Variants in STAG1 observed in about 807,000 individuals in gnomAD.
STAG1 encodes cohesin subunit SA-1.
Under a neutral mutation model 170.9 loss-of-function variants are expected in STAG1, and 26 were observed. The observed-to-expected ratio is 0.15, with a 90% CI of 0.11 to 0.21. STAG1 has a LOEUF of 0.21. Among genes scored for constraint, STAG1 ranks in the 10% least tolerant of loss-of-function variants. STAG1 has a pLI of 1.00. For synonymous variants in STAG1, 514 were observed against 497.7 expected (o/e 1.03, Z -0.44); for missense variants, 964 against 1,509.5 (o/e 0.64, Z 5.99).
At chr3:136,375,453 T>TA (rs1392410736) in intron 23 of STAG1, among the ~76,000 whole-genome samples, 6 of 152,174 alleles carry the variant, frequency 3.9e-5, no homozygotes, top group African/African-American at 1.4e-4. Context: ...ATTTTGGCAT[T>TA]TAGTTTGGGA....
At chr3:136,626,698 T>A (rs1203646290) in intron 2 of STAG1, among the ~76,000 whole-genome samples, 1 of 152,126 alleles carries the variant, frequency 6.6e-6, no homozygotes, top group Non-Finnish European at 1.5e-5. Context: ...CTCACTACAA[T>A]CCAAATAGGC....
intron 7 of STAG1, among the ~76,000 whole-genome samples, chr3:136,519,551 T>C (rs1267827813): frequency 1.3e-5 from 2 of 152,086 alleles, no homozygotes; most frequent in African/African-American, 4.8e-5. Flanking sequence ...TTTTCCAAAT[T>C]GCTGAATTTC....
At chr3:136,650,156 A>G (rs1355422342) in intron 1 of STAG1, among the ~76,000 whole-genome samples, 3 of 151,778 alleles carry the variant, frequency 2.0e-5, no homozygotes, top group African/African-American at 7.3e-5. Flanking sequence ...GGATGGCTGA[A>G]GCCCAGGCAG....
chr3:136,513,386 A>G (rs1934177832), intron 7 of STAG1, among the ~76,000 whole-genome samples: 2 of 152,106 alleles, frequency 1.3e-5, no homozygotes, highest in South Asian at 4.1e-4. Context: ...GGAAAATAAG[A>G]AAGAACTCTT....
At chr3:136,731,186 A>G (rs745888885) in intron 1 of STAG1, among the ~76,000 whole-genome samples, 9 of 152,096 alleles carry the variant, frequency 5.9e-5, no homozygotes, top group Non-Finnish European at 2.9e-5. Context: ...TTCAGGAAGC[A>G]TTTGCTCACT....
At chr3:136,497,625 G>A (rs932464567) in intron 9 of STAG1, among the ~76,000 whole-genome samples, 1 of 151,874 alleles carries the variant, frequency 6.6e-6, no homozygotes, top group Non-Finnish European at 1.5e-5. Context: ...CGGATCACCA[G>A]GTCAGGAGAT....
chr3:136,430,226 C>T (rs1208224252), intron 16 of STAG1: 2 of 152,170 alleles, frequency 1.3e-5, no homozygotes, highest in African/African-American at 4.8e-5. Flanking sequence ...CTAACCCCTG[C>T]ATTGTTCAAG....
At chr3:136,559,151 A>ATCTATCTATCTATCTG (rs1553745541) in intron 5 of STAG1, among the ~76,000 whole-genome samples, 41 of 152,012 alleles carry the variant, frequency 2.7e-4, no homozygotes, top group Middle Eastern at 6.8e-3. Flanking sequence ...CTATCTATCT[A>ATCTATCTATCTATCTG]TCTATCTATC....
chr3:136,459,647 T>C (rs949000613), intron 13 of STAG1, among the ~76,000 whole-genome samples: 15 of 152,198 alleles, frequency 9.9e-5, no homozygotes, highest in South Asian at 4.1e-4. Context: ...TTTTAAAATA[T>C]TGAATGCATA....
chr3:136,462,672 A>G (rs1245888054), intron 13 of STAG1, among the ~76,000 whole-genome samples: 1 of 152,194 alleles, frequency 6.6e-6, no homozygotes. Flanking sequence ...GAAGATTTGG[A>G]AAGTTCCCAA....
intron 16 of STAG1, among the ~76,000 whole-genome samples, chr3:136,431,679 T>C (rs1277956486): frequency 1.3e-5 from 2 of 152,246 alleles, no homozygotes; most frequent in Non-Finnish European, 2.9e-5. Flanking sequence ...CTTTGGAAGA[T>C]AATCTTATTA....
chr3:136,551,931 G>A (rs1936425225), intron 5 of STAG1, among the ~76,000 whole-genome samples: 1 of 151,934 alleles, frequency 6.6e-6, no homozygotes. Context: ...GACACTGAGA[G>A]AGAGAGAGGC....
intron 16 of STAG1, among the ~76,000 whole-genome samples, chr3:136,423,318 G>A (rs1273279119): frequency 3.3e-5 from 5 of 152,060 alleles, no homozygotes; most frequent in African/African-American, 1.2e-4. Context: ...TTAAAATACT[G>A]AAACCAATCA....
intron 1 of STAG1, among the ~76,000 whole-genome samples, chr3:136,642,188 C>T (rs1263320592): frequency 1.3e-5 from 2 of 151,344 alleles, no homozygotes; most frequent in African/African-American, 2.4e-5. Context: ...AAATAAACTG[C>T]ACTTAAAACT....
intron 1 of STAG1, among the ~76,000 whole-genome samples, chr3:136,737,985 T>C (rs1372621718): frequency 1.3e-5 from 2 of 152,108 alleles, no homozygotes; most frequent in East Asian, 3.9e-4. Flanking sequence ...GGAGAATCGC[T>C]GGAACCTAGG....
intron 28 of STAG1, among the ~76,000 whole-genome samples, chr3:136,355,253 G>A (rs193265011): frequency 1.7e-4 from 25 of 148,436 alleles, no homozygotes; most frequent in Admixed American, 1.5e-3. Flanking sequence ...CCAGAAGGCT[G>A]AGGCAGGAGA....
chr3:136,339,925 A>G (rs1231912443), intron 32 of STAG1, among the ~76,000 whole-genome samples: 6 of 152,198 alleles, frequency 3.9e-5, no homozygotes, highest in Admixed American at 1.3e-4. Flanking sequence ...CTCAAATTTA[A>G]AGCACAAGAG....
intron 20 of STAG1, among the ~76,000 whole-genome samples, chr3:136,419,291 CTTTTGAA>C (rs1465543097): frequency 6.6e-6 from 1 of 152,114 alleles, no homozygotes; most frequent in Non-Finnish European, 1.5e-5. Context: ...TTGGAAACTG[CTTTTGAA>C]TTTTGAAGTA....
intron 22 of STAG1, among the ~76,000 whole-genome samples, chr3:136,385,971 G>T (rs1266156999): frequency 6.6e-6 from 1 of 152,098 alleles, no homozygotes; most frequent in Admixed American, 6.5e-5. Flanking sequence ...CAAAGCGCTG[G>T]GCTTACGGGC....
Sources: gnomAD v4.1 joint callset for allele counts (sites outside exome capture counted in the v4.1 genomes callset) on GRCh38, gnomAD v4.1.1 for gene constraint, MANE v1.5 for transcripts, NCBI Gene and HGNC (gene_info 2026-07-23, HGNC 2026-07-21) for gene names.